PRKG1: variants seen among roughly 807,000 people sequenced by gnomAD.
The protein encoded by PRKG1 is protein kinase cGMP-dependent 1, also known as cGMP-dependent protein kinase 1.
In PRKG1, 35 loss-of-function variants were observed where a neutral mutation model predicts 88.1. The observed-to-expected ratio is 0.40, with a 90% CI of 0.30 to 0.53. The LOEUF (loss-of-function observed/expected upper bound fraction) is 0.53. Among genes scored for constraint, PRKG1 ranks in the 20% least tolerant of loss-of-function variants. The pLI is 0.59. For missense variants in PRKG1, 540 were observed against 839.8 expected (o/e 0.64, Z 4.41); for synonymous variants, 303 against 292.5 (o/e 1.04, Z -0.37).
chr10:52,036,357 G>A (rs1399498864), intron 5 of PRKG1, among the ~76,000 whole-genome samples: 6 of 151,884 alleles, frequency 4.0e-5, no homozygotes, highest in South Asian at 4.2e-4. Context: ...TTGATAAGGC[G>A]CAGATCCTGA....
At chr10:51,741,587 G>C (rs10999189) in intron 3 of PRKG1, among the ~76,000 whole-genome samples, 1 of 151,970 alleles carries the variant, frequency 6.6e-6, no homozygotes. Flanking sequence ...GTTTTAAGAC[G>C]TCCACAAGGC....
chr10:51,971,770 T>C (rs1316899439), intron 5 of PRKG1, among the ~76,000 whole-genome samples: 1 of 152,162 alleles, frequency 6.6e-6, no homozygotes, highest in African/African-American at 2.4e-5. Context: ...CACCTTGTCA[T>C]GTGCAGTAAA....
At chr10:51,218,527 ATAT>A (rs1838434972) in intron 2 of PRKG1, among the ~76,000 whole-genome samples, 3 of 82,058 alleles carry the variant, frequency 3.7e-5, no homozygotes, top group African/African-American at 1.7e-4. Flanking sequence ...ATATATATAT[ATAT>A]AAAATGTGTG....
chr10:51,604,264 C>A (rs1429749174), intron 3 of PRKG1, among the ~76,000 whole-genome samples: 1 of 152,072 alleles, frequency 6.6e-6, no homozygotes, highest in Admixed American at 6.6e-5. Context: ...AGTTTTTAAA[C>A]TAGGAACTCA....
At chr10:51,350,992 A>G (rs961288079) in intron 2 of PRKG1, among the ~76,000 whole-genome samples, 1 of 151,822 alleles carries the variant, frequency 6.6e-6, no homozygotes, top group African/African-American at 2.4e-5. Context: ...TTCAACTCCT[A>G]CTTATGAGTG....
At chr10:51,659,207 T>TAGGG (rs1372527148) in intron 3 of PRKG1, among the ~76,000 whole-genome samples, 1 of 152,146 alleles carries the variant, frequency 6.6e-6, no homozygotes, top group Non-Finnish European at 1.5e-5. Flanking sequence ...AAGATTGGGT[T>TAGGG]AGGGGTCCAG....
intron 4 of PRKG1, among the ~76,000 whole-genome samples, chr10:51,875,260 G>A (rs1589379443): frequency 1.3e-5 from 2 of 151,570 alleles, no homozygotes; most frequent in South Asian, 4.2e-4. Context: ...CGCTTTATTA[G>A]ACCATACAGC....
intron 2 of PRKG1, among the ~76,000 whole-genome samples, chr10:51,464,906 A>G (rs1043695640): frequency 6.6e-6 from 1 of 151,908 alleles, no homozygotes; most frequent in African/African-American, 2.4e-5. Context: ...AAAAAAAAAA[A>G]AAAAGATAAG....
At chr10:51,206,109 G>A (rs562072908) in intron 2 of PRKG1, among the ~76,000 whole-genome samples, 57 of 152,174 alleles carry the variant, frequency 3.7e-4, no homozygotes, top group African/African-American at 1.2e-3. Context: ...TCTTGTATTC[G>A]TTCTGGTGAA....
At chr10:51,347,790 G>A (rs572634753) in intron 2 of PRKG1, among the ~76,000 whole-genome samples, 2 of 152,006 alleles carry the variant, frequency 1.3e-5, no homozygotes, top group South Asian at 2.1e-4. Flanking sequence ...GGCTGGGCGC[G>A]GTGGCTCACA....
At chr10:52,205,283 G>A (rs371032868) in intron 9 of PRKG1, among the ~76,000 whole-genome samples, 13 of 152,096 alleles carry the variant, frequency 8.5e-5, no homozygotes, top group Admixed American at 2.6e-4. Context: ...CACCCTATTC[G>A]TACACTCCCT....
At chr10:51,083,785 C>T (rs1241233509) in intron 1 of PRKG1, among the ~76,000 whole-genome samples, 1 of 152,114 alleles carries the variant, frequency 6.6e-6, no homozygotes, top group Non-Finnish European at 1.5e-5. Flanking sequence ...GTGGTCAGAC[C>T]TCACTGCTGC....
At chr10:51,477,372 G>T (rs543180840) in intron 3 of PRKG1, among the ~76,000 whole-genome samples, 1 of 150,810 alleles carries the variant, frequency 6.6e-6, no homozygotes, top group Admixed American at 6.7e-5. Flanking sequence ...AATTATTCTC[G>T]ACTCTCATGG....
intron 9 of PRKG1, among the ~76,000 whole-genome samples, chr10:52,243,289 G>GT (rs1252988019): frequency 3.9e-5 from 6 of 152,122 alleles, no homozygotes; most frequent in Non-Finnish European, 7.4e-5. Context: ...ATTTGCCTTT[G>GT]TTTTTCAAAT....
intron 3 of PRKG1, among the ~76,000 whole-genome samples, chr10:51,797,499 T>C (rs1202733916): frequency 6.8e-6 from 1 of 146,464 alleles, no homozygotes; most frequent in African/African-American, 2.5e-5. Flanking sequence ...TTATACATTA[T>C]ATATAAATAT....
intron 9 of PRKG1, among the ~76,000 whole-genome samples, chr10:52,214,722 G>A (rs1019254220): frequency 1.3e-5 from 2 of 152,226 alleles, no homozygotes; most frequent in East Asian, 3.9e-4. Context: ...ATTACACAGC[G>A]AAGTTCCATT....
chr10:51,623,783 C>T (rs116677160), intron 3 of PRKG1, among the ~76,000 whole-genome samples: 5,942 of 152,216 alleles, frequency 0.039, 168 homozygotes, highest in Middle Eastern at 0.078. Context: ...ACTCCCCTCC[C>T]GCGTGTTTCC....
intron 3 of PRKG1, among the ~76,000 whole-genome samples, chr10:51,535,883 CAGTTA>C (rs1212048747): frequency 6.6e-6 from 1 of 151,904 alleles, no homozygotes; most frequent in Non-Finnish European, 1.5e-5. Context: ...ACACCATGCC[CAGTTA>C]AGTTTTGTAT....
intron 4 of PRKG1, among the ~76,000 whole-genome samples, chr10:51,841,143 G>A (rs1414904940): frequency 6.6e-6 from 1 of 151,988 alleles, no homozygotes; most frequent in East Asian, 1.9e-4. Context: ...ATGCCTCCTG[G>A]CCTCTTTGTA....
Sources: gnomAD v4.1 joint callset for allele counts (sites outside exome capture counted in the v4.1 genomes callset) on GRCh38, gnomAD v4.1.1 for gene constraint, MANE v1.5 for transcripts, NCBI Gene and HGNC (gene_info 2026-07-23, HGNC 2026-07-21) for gene names.